MIA2: variants seen among roughly 807,000 people sequenced by gnomAD.
MIA2 encodes the protein MIA SH3 domain ER export factor 2.
Under a neutral mutation model 167.8 loss-of-function variants are expected in MIA2, and 127 were observed. The ratio of observed to expected loss-of-function variants is 0.76; its 90% CI spans 0.66 to 0.88. The LOEUF is 0.88. Among genes scored for constraint, MIA2 ranks in the 40% least tolerant of loss-of-function variants. MIA2 has a pLI of 0.00. For synonymous variants in MIA2, 552 were observed against 541.9 expected (o/e 1.02, Z -0.26); for missense variants, 1,690 against 1,624.7 (o/e 1.04, Z -0.69).
At chr14:39,279,426 T>A in intron 8 of MIA2, 23 bp from the exon 9 acceptor site, 1 of 1,602,396 alleles carries the variant, frequency 6.2e-7, no homozygotes, top group Admixed American at 1.7e-5. Flanking sequence ...TTACTCATGG[T>A]AATATTGACT....
Position 39,360,744 on chromosome 14 carries a change from C to G in MIA2, c.2248+11767C>G, listed in dbSNP as rs367590751. ...GAAAATCTTTGCTTAGACCAATGCCCTATAGTGTTCCCCTTATATTTTCTT... is the reference window on the plus strand; with the variant it reads ...GAAAATCTTTGCTTAGACCAATGCCGTATAGTGTTCCCCTTATATTTTCTT... On this transcript the variant is annotated intron_variant, in intron 23 of 23. Transcript: ENST00000341502. Among the ~76,000 whole-genome samples, 78 of 152,252 alleles carry G rather than the reference C, an allele frequency of 5.1e-4. 1 individual carries two copies. In the Middle Eastern group the frequency reaches 0.024, roughly 46 times the overall value.
chr14:39,384,527 T>C (rs2075232803), intron 23 of MIA2, among the ~76,000 whole-genome samples: 1 of 152,182 alleles, frequency 6.6e-6, no homozygotes, highest in African/African-American at 2.4e-5. Context: ...TTAAGTTCAA[T>C]GTGGTTTTAT....
intron 23 of MIA2, among the ~76,000 whole-genome samples, chr14:39,367,436 A>G (rs2074846063): frequency 2.0e-5 from 3 of 152,158 alleles, no homozygotes; most frequent in South Asian, 4.1e-4. Context: ...GGTACTCGGC[A>G]TGAGCTCCCT....
intron 9 of MIA2, among the ~76,000 whole-genome samples, chr14:39,288,475 A>ATTTTTT (rs1247369150): frequency 7.9e-5 from 4 of 50,520 alleles, no homozygotes; most frequent in South Asian, 7.1e-4. Flanking sequence ...ATATATATAT[A>ATTTTTT]TTTTTTTTTT....
At chr14:39,262,201 C>T (rs925308393) in intron 6 of MIA2, among the ~76,000 whole-genome samples, 81 of 152,172 alleles carry the variant, frequency 5.3e-4, no homozygotes, top group Non-Finnish European at 1.0e-3. Context: ...TTTCAGCTTT[C>T]TACATATGGC....
At chr14:39,311,424 G>A (rs2064213599) in intron 18 of MIA2, among the ~76,000 whole-genome samples, 1 of 147,466 alleles carries the variant, frequency 6.8e-6, no homozygotes, top group South Asian at 2.1e-4. Flanking sequence ...ATTTAATAAT[G>A]GAAACAAATG....
rs1208685225 is a variant in MIA2 at position 39,348,959 on chromosome 14, C to T, written c.4054C>T (p.Pro1352Ser). The T allele has an allele frequency of 1.9e-6, 3 of 1,613,310 alleles. No individual in the cohort carries two copies. In the African/African-American group the frequency reaches 4.0e-5, roughly 22 times the overall value. The change falls in exon 28 of 29, where the codon CCA (proline) becomes TCA (serine). Residue 1352 changes from proline to serine, a missense_variant. Pro to Ser is a moderately conservative substitution (Grantham distance 74). Coordinates refer to ENST00000640607, the MANE Select transcript of MIA2 (RefSeq NM_001329214.4). Reference sequence around the variant, plus strand: ...TCCACCAGGGGATTTCCCAGGTCCACCACCTGCTCCATTTGCAAGTATGCT... The same window carrying T: ...TCCACCAGGGGATTTCCCAGGTCCATCACCTGCTCCATTTGCAAGTATGCT... ...YFPPGDFPGP[P>S]PAPFAMRNVY...
intron 15 of MIA2, among the ~76,000 whole-genome samples, chr14:39,303,154 A>G (rs1279843587): frequency 6.6e-6 from 1 of 152,184 alleles, no homozygotes; most frequent in Non-Finnish European, 1.5e-5. Context: ...TTATAATTTT[A>G]CTCATATTTT....
At chr14:39,354,145 C>A (rs934510502), downstream of MIA2, among the ~76,000 whole-genome samples, 1 of 152,236 alleles carries the variant, frequency 6.6e-6, no homozygotes, top group Non-Finnish European at 1.5e-5. Flanking sequence ...ACCACAATCA[C>A]TTCCACAATG....
At chr14:39,374,175 T>C (rs944129940) in intron 23 of MIA2, among the ~76,000 whole-genome samples, 1 of 152,192 alleles carries the variant, frequency 6.6e-6, no homozygotes, top group African/African-American at 2.4e-5. Flanking sequence ...AGCAGCAACA[T>C]TCAAAGAAAT....
chr14:39,307,907 G>T (rs1396123385), intron 17 of MIA2, among the ~76,000 whole-genome samples: 1 of 152,070 alleles, frequency 6.6e-6, no homozygotes, highest in African/African-American at 2.4e-5. Flanking sequence ...TACAAGTAAA[G>T]AGTGGAATAG....
intron 25 of MIA2, among the ~76,000 whole-genome samples, chr14:39,341,610 G>A (rs1449049770): frequency 6.6e-6 from 1 of 152,136 alleles, no homozygotes; most frequent in Non-Finnish European, 1.5e-5. Context: ...TTTTCTTGTT[G>A]TGGCAAGATC....
intron 13 of MIA2, among the ~76,000 whole-genome samples, chr14:39,297,204 C>T (rs910806129): frequency 3.3e-5 from 5 of 150,448 alleles, no homozygotes; most frequent in Non-Finnish European, 7.4e-5. Flanking sequence ...AGTGATTCTC[C>T]TGCCTCAGCC....
chr14:39,241,797 A>C (rs1434784031), intron 3 of MIA2, among the ~76,000 whole-genome samples: 1 of 152,164 alleles, frequency 6.6e-6, no homozygotes, highest in African/African-American at 2.4e-5. Context: ...TAAATCCCAG[A>C]CTTCTTACCC....
intron 11 of MIA2, 84 bp downstream of exon 11, chr14:39,293,465 T>C (rs1724546883): frequency 3.2e-6 from 3 of 932,456 alleles, no homozygotes; most frequent in Non-Finnish European, 4.8e-6. Context: ...GTTAAAGTAT[T>C]ACATTATTGT....
At chr14:39,320,882 G>T in intron 23 of MIA2, 46 bp from the exon 24 acceptor site, 2 of 1,595,594 alleles carry the variant, frequency 1.3e-6, no homozygotes, top group Non-Finnish European at 1.7e-6. Context: ...CTGTAGTGTA[G>T]CTAAGTGAAA....
Position 39,350,458 on chromosome 14 carries a change from C to T in MIA2, c.*194C>T, listed in dbSNP as rs975941586. On this transcript the variant is annotated 3_prime_UTR_variant, in exon 29 of 29. Transcript: ENST00000640607. ...TAAATTATTTCAATTTTATTTTAGA[C>T]GGTATAACTATTTCAATTTGATTAA... 40 of 428,500 alleles carry T rather than the reference C, an allele frequency of 9.3e-5. No individual in the cohort carries two copies. In the Admixed American group the frequency reaches 1.5e-3, roughly 16 times the overall value. 26.5% of individuals were successfully genotyped at this position (428,500 alleles called of 1,614,324 possible).
At chr14:39,376,147 T>A (rs941621945) in intron 23 of MIA2, among the ~76,000 whole-genome samples, 2 of 151,844 alleles carry the variant, frequency 1.3e-5, no homozygotes, top group African/African-American at 2.4e-5. Context: ...AGAGATGGGG[T>A]TTTGCCATGT....
At chr14:39,339,963 A>C (rs1482103784) in intron 25 of MIA2, among the ~76,000 whole-genome samples, 1 of 152,158 alleles carries the variant, frequency 6.6e-6, no homozygotes, top group African/African-American at 2.4e-5. Flanking sequence ...CTCCTGCTTT[A>C]GCCTCCCAAG....
Sources: allele counts gnomAD v4.1 joint callset (sites outside exome capture counted in the v4.1 genomes callset), GRCh38; gene constraint gnomAD v4.1.1; transcripts MANE v1.5; gene names NCBI Gene and HGNC (gene_info 2026-07-23, HGNC 2026-07-21).